Variants in CAMTA1 observed in about 807,000 individuals in gnomAD.
CAMTA1 encodes the protein calmodulin-binding transcription activator 1.
In CAMTA1, 27 loss-of-function variants were observed where a neutral mutation model predicts 170.9. The ratio of observed to expected loss-of-function variants is 0.16; its 90% confidence interval spans 0.12 to 0.22. CAMTA1 has a LOEUF of 0.22. Ranked by LOEUF, CAMTA1 falls within the 10% of genes least tolerant of loss-of-function variation. The probability of loss-of-function intolerance (pLI) is 1.00; values close to 1 mark genes in which losing one functional copy is unlikely to be tolerated. For missense variants in CAMTA1, 1,619 were observed against 2,217.2 expected, an observed-to-expected ratio of 0.73 and a Z score of 5.42; for synonymous variants, 833 against 891.5, an observed-to-expected ratio of 0.93 and a Z score of 1.17.
chr1:7,643,179 TTG>T (rs2095778355), intron 7 of CAMTA1, among the ~76,000 whole-genome samples: 5 of 151,812 alleles, frequency 3.3e-5, no homozygotes, highest in African/African-American at 9.7e-5. Flanking sequence ...GGAGGAGGAG[TTG>T]CCTTCCTGGC....
In CAMTA1 at chr1:7,633,075, G is replaced by A. The variant is rs951713441; in HGVS notation, c.511-7325G>A. Among the ~76,000 whole-genome samples, 14 of 152,220 alleles carry A rather than the reference G, an allele frequency of 9.2e-5. No homozygotes were observed. Among genetic ancestry groups the A allele is most frequent in the Non-Finnish European group, 2.1e-4 (14 of 68,042 alleles). On this transcript the variant is annotated intron_variant, in intron 6 of 22. Coordinates refer to ENST00000303635, the MANE Select transcript of CAMTA1 (RefSeq NM_015215.4). The surrounding 1 kb of genome is among the most constrained non-coding windows in gnomAD (Gnocchi z 4.1). The stretch of plus-strand genomic sequence containing the variant: ...AAAGGGCCTGCTTAACACAGAGCAG[G>A]CATTCTCTGCAGAATGTTCTTAGCC...
intron 7 of CAMTA1, among the ~76,000 whole-genome samples, chr1:7,647,287 G>GA (rs1453000371): frequency 6.6e-6 from 1 of 151,634 alleles, no homozygotes; most frequent in Admixed American, 6.6e-5. Flanking sequence ...AAGGGGGGGG[G>GA]GCTGTGTTTA....
chr1:7,719,702 C>T (rs1358526632), intron 11 of CAMTA1, among the ~76,000 whole-genome samples: 4 of 152,172 alleles, frequency 2.6e-5, no homozygotes, highest in Admixed American at 2.0e-4. Flanking sequence ...ACATCTTAAA[C>T]GGCTTGCCAG....
At chr1:7,090,879 C>A (rs149016148) in intron 3 of CAMTA1, among the ~76,000 whole-genome samples, 2 of 152,198 alleles carry the variant, frequency 1.3e-5, no homozygotes, top group Non-Finnish European at 2.9e-5. Context: ...TGAGAGAATG[C>A]GACGTCTCTT....
chr1:7,202,914 T>G (rs1027370772), intron 4 of CAMTA1, among the ~76,000 whole-genome samples: 1 of 152,222 alleles, frequency 6.6e-6, no homozygotes, highest in Non-Finnish European at 1.5e-5. Flanking sequence ...CAGTACAATG[T>G]TGAATAGGAG....
chr1:7,030,158 C>T (rs1702592493), intron 3 of CAMTA1, among the ~76,000 whole-genome samples: 1 of 152,194 alleles, frequency 6.6e-6, no homozygotes, highest in Non-Finnish European at 1.5e-5. Context: ...AGTTGCAGCG[C>T]AGAATCTGAT....
chr1:7,196,199 G>GCT (rs140611245), intron 4 of CAMTA1, among the ~76,000 whole-genome samples: 5,412 of 149,082 alleles, frequency 0.036, 311 homozygotes, highest in African/African-American at 0.12. Context: ...TTCCCCCTTA[G>GCT]CTCTCTCTCT....
intron 3 of CAMTA1, among the ~76,000 whole-genome samples, chr1:6,953,795 G>C (rs1688959612): frequency 6.6e-6 from 1 of 151,598 alleles, no homozygotes; most frequent in South Asian, 2.1e-4. Flanking sequence ...GGTACGTACA[G>C]CACATAATCC....
intron 4 of CAMTA1, among the ~76,000 whole-genome samples, chr1:7,122,949 G>A (rs1644732067): frequency 1.3e-5 from 2 of 152,172 alleles, no homozygotes; most frequent in African/African-American, 4.8e-5. Context: ...CTGTAAAAGT[G>A]TGTCTGCCCA....
At chr1:7,614,052 G>A (rs1369374734) in intron 6 of CAMTA1, among the ~76,000 whole-genome samples, 3 of 145,840 alleles carry the variant, frequency 2.1e-5, no homozygotes, top group African/African-American at 7.7e-5. Context: ...TTGGGGAGGT[G>A]GAACCCAGAG....
At chr1:7,148,430 C>G (rs1053030829) in intron 4 of CAMTA1, among the ~76,000 whole-genome samples, 1 of 152,138 alleles carries the variant, frequency 6.6e-6, no homozygotes, top group Non-Finnish European at 1.5e-5. Flanking sequence ...CCCCCTCCCC[C>G]CCCGCCACGC....
At chr1:7,071,670 A>T (rs1232363872) in intron 3 of CAMTA1, among the ~76,000 whole-genome samples, 2 of 152,238 alleles carry the variant, frequency 1.3e-5, no homozygotes, top group Non-Finnish European at 2.9e-5. Context: ...CATTAAACAC[A>T]AATGTTATAG....
chr1:7,381,452 A>G (rs1267044173), intron 5 of CAMTA1, among the ~76,000 whole-genome samples: 4 of 151,328 alleles, frequency 2.6e-5, no homozygotes, highest in East Asian at 2.0e-4. Context: ...ATGATTTCCA[A>G]TTTCATCCAT....
chr1:7,188,993 G>A (rs1031098044), intron 4 of CAMTA1, among the ~76,000 whole-genome samples: 2 of 152,044 alleles, frequency 1.3e-5, no homozygotes, highest in Non-Finnish European at 2.9e-5. Context: ...TTTAATAATA[G>A]CCATGCTAGT....
At chr1:7,679,743 C>T (rs1170986886) in intron 11 of CAMTA1, among the ~76,000 whole-genome samples, 1 of 152,240 alleles carries the variant, frequency 6.6e-6, no homozygotes, top group Non-Finnish European at 1.5e-5. Flanking sequence ...CAGGGCACAG[C>T]TAGGGGAACA....
intron 3 of CAMTA1, among the ~76,000 whole-genome samples, chr1:7,009,543 G>A (rs1699494446): frequency 2.0e-5 from 3 of 152,220 alleles, no homozygotes; most frequent in Admixed American, 1.3e-4. Context: ...GCTGCCAGGT[G>A]CCCTGTGTTG....
In CAMTA1 at chr1:7,482,179, C is replaced by T. The variant is rs115605943; in HGVS notation, c.510+14278C>T. 0.017 allele frequency among the ~76,000 whole-genome samples: 2,526 copies of T among 152,246 alleles called. 38 individuals carry two copies. Among genetic ancestry groups the T allele is most frequent in the Non-Finnish European group, 0.028 (1,924 of 68,014 alleles). ...ACTGTGTTATTTATGCCTTGTCTAT[C>T]CCCCCAAGCCCAGCCCCATCCTTCA... On this transcript the variant is annotated intron_variant, in intron 6 of 22. Transcript: ENST00000303635. This position sits in a 1 kb window ranked among gnomAD's most constrained non-coding sequence, Gnocchi z 4.2.
intron 4 of CAMTA1, among the ~76,000 whole-genome samples, chr1:7,124,210 C>T (rs1212083348): frequency 6.6e-6 from 1 of 152,110 alleles, no homozygotes; most frequent in Non-Finnish European, 1.5e-5. Context: ...CTGGCTGGGG[C>T]CCTCTTCTGT....
chr1:6,897,971 A>C (rs895303185), intron 3 of CAMTA1, among the ~76,000 whole-genome samples: 1 of 152,174 alleles, frequency 6.6e-6, no homozygotes, highest in Non-Finnish European at 1.5e-5. Context: ...CCAGTCCATA[A>C]CTTTTTCTCT....
Sources: allele counts gnomAD v4.1 joint callset (sites outside exome capture counted in the v4.1 genomes callset), GRCh38; gene constraint gnomAD v4.1.1; non-coding constraint Gnocchi (gnomAD v3.1); transcripts MANE v1.5; gene names NCBI Gene and HGNC (gene_info 2026-07-23, HGNC 2026-07-21).